Variants in FAM149B1 observed in about 807,000 individuals in gnomAD.
FAM149B1 encodes the protein family with sequence similarity 149 member B1, also known as primary cilium assembly protein FAM149B1.
FAM149B1 carries 56 observed loss-of-function variants against 75.3 expected under a neutral mutation model. The observed-to-expected ratio is 0.74, with a 90% confidence interval of 0.60 to 0.93. FAM149B1 has a LOEUF of 0.93. Ranked by LOEUF, FAM149B1 falls within the 40% of genes least tolerant of loss-of-function variation. FAM149B1 has a pLI of 0.00. For missense variants in FAM149B1, 639 were observed against 708.4 expected, an observed-to-expected ratio of 0.90 and a Z score of 1.11; for synonymous variants, 259 against 256.1, an observed-to-expected ratio of 1.01 and a Z score of -0.11.
At position 73,168,274 on chromosome 10, in the gene FAM149B1, G is replaced by GC; in HGVS notation, c.-61dup. 1 of 1,525,584 alleles carries GC rather than the reference G, an allele frequency of 6.6e-7. No homozygotes were observed. The highest frequency in any genetic ancestry group is 2.5e-5 in the East Asian group (1 of 40,162). 94.5% of individuals were successfully genotyped at this position (1,525,584 alleles called of 1,614,324 possible). Reference sequence around the variant, plus strand: ...GCCGGCGGGAGGGCCAGGCCCGGAGGCCCCCACCCTGGCGTGCCTGCCCCG... The same window carrying GC: ...GCCGGCGGGAGGGCCAGGCCCGGAGGCCCCCCACCCTGGCGTGCCTGCCCCG... On this transcript the variant is annotated 5_prime_UTR_variant, in exon 1 of 14. Transcript: ENST00000242505.
chr10:73,198,369 G>C (rs1487157772), intron 5 of FAM149B1, among the ~76,000 whole-genome samples: 1 of 152,034 alleles, frequency 6.6e-6, no homozygotes, highest in African/African-American at 2.4e-5. Flanking sequence ...CTATATCAAA[G>C]GTAAACACTT....
chr10:73,210,135 T>A, intron 6 of FAM149B1, 116 bp from the exon 7 acceptor site: 4 of 682,292 alleles, frequency 5.9e-6, no homozygotes, highest in Non-Finnish European at 9.9e-6. Context: ...TCAAATTAAT[T>A]CTATTTTCCA....
At chr10:73,209,338 C>T (rs1342336089) in intron 6 of FAM149B1, among the ~76,000 whole-genome samples, 3 of 152,120 alleles carry the variant, frequency 2.0e-5, no homozygotes, top group Non-Finnish European at 4.4e-5. Context: ...ATGTCAGCTA[C>T]TTGGGAGGCT....
At chr10:73,204,688 A>G (rs1241096173) in intron 5 of FAM149B1, among the ~76,000 whole-genome samples, 1 of 151,814 alleles carries the variant, frequency 6.6e-6, no homozygotes, top group Non-Finnish European at 1.5e-5. Flanking sequence ...TAAGGAGCAT[A>G]TATTTTGGGC....
intron 5 of FAM149B1, among the ~76,000 whole-genome samples, chr10:73,194,474 C>T (rs746166262): frequency 6.6e-6 from 1 of 151,338 alleles, no homozygotes; most frequent in Non-Finnish European, 1.5e-5. Flanking sequence ...CTCACTGCAA[C>T]CTCTGCCTCC....
At chr10:73,191,182 T>C (rs1297727191) in intron 3 of FAM149B1, among the ~76,000 whole-genome samples, 1 of 142,538 alleles carries the variant, frequency 7.0e-6, no homozygotes, top group Non-Finnish European at 1.5e-5. Flanking sequence ...CTGGGATTAC[T>C]GGCGTGAGCC....
intron 9 of FAM149B1, among the ~76,000 whole-genome samples, chr10:73,232,709 T>C (rs2043733737): frequency 6.6e-6 from 1 of 152,246 alleles, no homozygotes; most frequent in South Asian, 2.1e-4. Flanking sequence ...CAAATGTCCA[T>C]TCTAGTAAAT....
At position 73,244,041 on chromosome 10, in the gene FAM149B1, G is replaced by T; in HGVS notation, c.*3022G>T. 2 of 819,548 alleles carry T rather than the reference G, an allele frequency of 2.4e-6. No individual in the cohort carries two copies. The allele number at this position is 819,548 out of a possible 1,614,324, so 50.8% of individuals were successfully genotyped here. Reference sequence around the variant, plus strand: ...TTTCAATTTTATGAATATATGAATAGACAAAATGAATCGAATTACATAACT... The same window carrying T: ...TTTCAATTTTATGAATATATGAATATACAAAATGAATCGAATTACATAACT... On this transcript the variant is annotated 3_prime_UTR_variant, in exon 14 of 14. Transcript: ENST00000242505.
Position 73,243,892 on chromosome 10 carries a change from T to C in FAM149B1, c.*2873T>C, listed in dbSNP as rs2133425845. ...CACGCCTTCATCAAGCCCCAACTCC[T>C]TTCTGCTCATTTCTGCTTCTTTGGC... On this transcript the variant is annotated 3_prime_UTR_variant, in exon 14 of 14. Transcript: ENST00000242505. 2 of 1,614,156 alleles carry C rather than the reference T, an allele frequency of 1.2e-6. No homozygotes were observed. Among genetic ancestry groups the C allele is most frequent in the East Asian group, 2.2e-5 (1 of 44,878 alleles).
At chr10:73,237,142 T>G (rs188856882) in intron 12 of FAM149B1, among the ~76,000 whole-genome samples, 371 of 152,346 alleles carry the variant, frequency 2.4e-3, no homozygotes, top group African/African-American at 8.5e-3. Flanking sequence ...TTGATTTATC[T>G]GCAAAGACCC....
At chr10:73,215,793 T>A (rs555747489) in intron 7 of FAM149B1, among the ~76,000 whole-genome samples, 50 of 152,346 alleles carry the variant, frequency 3.3e-4, no homozygotes, top group African/African-American at 1.2e-3. Flanking sequence ...GATTTCACTT[T>A]TAAAACATTT....
At chr10:73,212,655 T>C (rs1564702799) in intron 7 of FAM149B1, among the ~76,000 whole-genome samples, 1 of 152,206 alleles carries the variant, frequency 6.6e-6, no homozygotes, top group African/African-American at 2.4e-5. Context: ...GGCAGTTCTA[T>C]TTTTAGTTCT....
chr10:73,222,729 T>C (rs1253255046), intron 7 of FAM149B1, among the ~76,000 whole-genome samples: 1 of 152,160 alleles, frequency 6.6e-6, no homozygotes, highest in Non-Finnish European at 1.5e-5. Context: ...TTATCTGATA[T>C]ACAGTGGTCT....
In FAM149B1 at chr10:73,243,373, T is replaced by C. The variant is rs2043974977; in HGVS notation, c.*2354T>C. 1 of 1,611,610 alleles carries C rather than the reference T, an allele frequency of 6.2e-7. No individual in the cohort carries two copies. The highest frequency in any genetic ancestry group is 1.7e-5 in the Admixed American group (1 of 60,012). ...GCCTACGATGGCATCAATTTACACCTAAGGACCTTTGAAGAGAAAAATTCC... is the reference window on the plus strand; with the variant it reads ...GCCTACGATGGCATCAATTTACACCCAAGGACCTTTGAAGAGAAAAATTCC... On this transcript the variant is annotated 3_prime_UTR_variant, in exon 14 of 14. Transcript: ENST00000242505.
At chr10:73,176,410 T>C (rs1231103018) in intron 2 of FAM149B1, among the ~76,000 whole-genome samples, 7 of 152,134 alleles carry the variant, frequency 4.6e-5, no homozygotes, top group African/African-American at 1.4e-4. Flanking sequence ...CCCTGTCTCA[T>C]AGGATGTTGC....
rs1219387228 is a variant in FAM149B1 at position 73,242,069 on chromosome 10, C to T, written c.*1050C>T. ...GATAAATTCAAATAATCATAAATTA[C>T]GGTAACTTTTTATTATACCAAGGTG... is the stretch of plus-strand genomic sequence containing the variant. On this transcript the variant is annotated 3_prime_UTR_variant, in exon 14 of 14. Transcript: ENST00000242505. 1.3e-5 allele frequency: 2 copies of T among 152,148 alleles called. No homozygotes were observed. Among genetic ancestry groups the T allele is most frequent in the Non-Finnish European group, 2.9e-5 (2 of 68,030 alleles). 9.4% of individuals were successfully genotyped at this position (152,148 alleles called of 1,614,324 possible). A position where few individuals can be genotyped will look rare whatever the true frequency, so the allele number is the denominator to read the frequency against.
At chr10:73,227,782 TTC>T (rs1424497731) in intron 7 of FAM149B1, among the ~76,000 whole-genome samples, 1 of 152,186 alleles carries the variant, frequency 6.6e-6, no homozygotes, top group Non-Finnish European at 1.5e-5. Flanking sequence ...TGTAAAATAT[TTC>T]TGTCAACTCC....
chr10:73,206,158 G>A (rs1033950694), intron 5 of FAM149B1, among the ~76,000 whole-genome samples: 11 of 152,236 alleles, frequency 7.2e-5, no homozygotes, highest in African/African-American at 2.4e-4. Flanking sequence ...TGTGTGTTAT[G>A]CCTTAGCAAG....
intron 5 of FAM149B1, among the ~76,000 whole-genome samples, chr10:73,198,837 T>C (rs987124264): frequency 1.8e-4 from 28 of 152,078 alleles, no homozygotes; most frequent in African/African-American, 6.0e-4. Context: ...AATTGAAAAA[T>C]GGACAAAGGA....
Sources: allele counts gnomAD v4.1 joint callset (sites outside exome capture counted in the v4.1 genomes callset), GRCh38; gene constraint gnomAD v4.1.1; transcripts MANE v1.5; gene names NCBI Gene and HGNC (gene_info 2026-07-23, HGNC 2026-07-21).